Variants in CDK14 observed in about 807,000 individuals in gnomAD.
The protein encoded by CDK14 is cyclin-dependent kinase 14.
CDK14 carries 34 observed loss-of-function variants against 60.7 expected under a neutral mutation model. That is an observed-to-expected ratio of 0.56 (90% CI 0.43 to 0.75). The LOEUF is 0.75. Among genes scored for constraint, CDK14 ranks in the 30% least tolerant of loss-of-function variants. The probability of loss-of-function intolerance (pLI) is 0.00; values close to 1 mark genes in which losing one functional copy is unlikely to be tolerated. For synonymous variants in CDK14, 197 were observed against 203.7 expected, an observed-to-expected ratio of 0.97 and a Z score of 0.28; for missense variants, 482 against 564.1, an observed-to-expected ratio of 0.85 and a Z score of 1.47.
intron 10 of CDK14, among the ~76,000 whole-genome samples, chr7:90,989,299 G>A (rs1288764709): frequency 6.6e-6 from 1 of 152,112 alleles, no homozygotes; most frequent in Middle Eastern, 3.2e-3. Context: ...CCATTCAAGT[G>A]GATGTATTAT....
intron 2 of CDK14, among the ~76,000 whole-genome samples, chr7:90,717,690 G>A (rs62469739): frequency 0.22 from 33,716 of 152,078 alleles, 4,259 homozygotes; most frequent in Middle Eastern, 0.3. Context: ...AAGGTACCTT[G>A]TTTTTAATGT....
At chr7:90,931,542 C>G (rs1793591150) in intron 8 of CDK14, among the ~76,000 whole-genome samples, 1 of 152,210 alleles carries the variant, frequency 6.6e-6, no homozygotes, top group African/African-American at 2.4e-5. Context: ...TGCCTCCAGC[C>G]TCCTGACAGT....
chr7:91,037,626 C>G (rs185926969), intron 10 of CDK14, among the ~76,000 whole-genome samples: 79 of 152,286 alleles, frequency 5.2e-4, no homozygotes, highest in African/African-American at 1.9e-3. Context: ...CAACCTGATA[C>G]AGGATTCCAG....
rs554566015 is a variant in CDK14, at chr7:90,682,157, G to A, written c.124-44410G>A. Among the ~76,000 whole-genome samples the A allele has an allele frequency of 2.6e-5, 4 of 151,888 alleles. No individual in the cohort carries two copies. The East Asian group carries it at 7.7e-4, about 29-fold the overall frequency. On this transcript the variant is annotated intron_variant, in intron 2 of 14. Coordinates refer to ENST00000380050, the MANE Select transcript of CDK14 (RefSeq NM_001287135.2). ...TGTTATTTTCAATTACCTAGTTACA[G>A]GTCCTGAATATTAAAGTTTACCTTT...
At chr7:90,891,602 G>A (rs1303359690) in intron 6 of CDK14, among the ~76,000 whole-genome samples, 1 of 152,204 alleles carries the variant, frequency 6.6e-6, no homozygotes. Context: ...AAATGAAACA[G>A]AAGTTAAGGA....
intron 4 of CDK14, among the ~76,000 whole-genome samples, chr7:90,776,877 G>A (rs752150096): frequency 6.6e-6 from 1 of 152,062 alleles, no homozygotes; most frequent in Non-Finnish European, 1.5e-5. Context: ...TACAGAAGAC[G>A]ATAAATCTAT....
intron 14 of CDK14, among the ~76,000 whole-genome samples, chr7:91,197,439 T>A (rs981664465): frequency 6.7e-6 from 1 of 150,016 alleles, no homozygotes; most frequent in Non-Finnish European, 1.5e-5. Context: ...CCTGGAAACC[T>A]CCTCAGTTCA....
chr7:90,692,196 A>G lies in CDK14; in HGVS notation c.124-34371A>G, dbSNP rs549920005. ...CAGTATTTCTAGCTTTTCTTCTTAT[A>G]TCGTTGGTCCATCGAATGCTTCTTT... On this transcript the variant is annotated intron_variant, in intron 2 of 14. Transcript: ENST00000380050. 2.6e-5 allele frequency among the ~76,000 whole-genome samples: 4 copies of G among 152,290 alleles called. No individual in the cohort carries two copies. In the East Asian group the frequency reaches 7.7e-4, roughly 29 times the overall value.
chr7:90,967,959 C>T (rs3808270), intron 9 of CDK14, among the ~76,000 whole-genome samples: 113,692 of 152,122 alleles, frequency 0.75, 42,576 homozygotes, highest in East Asian at 0.78. Context: ...AGATGCCTAC[C>T]AGAATATTAC....
At chr7:90,831,589 G>A (rs1346750503) in intron 5 of CDK14, among the ~76,000 whole-genome samples, 1 of 152,078 alleles carries the variant, frequency 6.6e-6, no homozygotes, top group Non-Finnish European at 1.5e-5. Flanking sequence ...ACATTTAGTG[G>A]CTCCACCTGC....
At chr7:90,795,729 G>A (rs1293193518) in intron 5 of CDK14, among the ~76,000 whole-genome samples, 1 of 152,072 alleles carries the variant, frequency 6.6e-6, no homozygotes, top group Non-Finnish European at 1.5e-5. Flanking sequence ...GAGGGACAGG[G>A]ACTCTGGGCC....
chr7:90,980,053 C>T (rs1417581774), intron 9 of CDK14, among the ~76,000 whole-genome samples: 3 of 152,022 alleles, frequency 2.0e-5, no homozygotes, highest in South Asian at 2.1e-4. Context: ...TCTGCTTGTA[C>T]TGACAACAAA....
intron 2 of CDK14, among the ~76,000 whole-genome samples, chr7:90,624,806 T>C (rs1233033154): frequency 1.1e-4 from 17 of 152,166 alleles, no homozygotes. Context: ...GTGAAGGCTG[T>C]GAGGCAGTCT....
At chr7:90,835,602 G>A (rs1254351644) in intron 5 of CDK14, among the ~76,000 whole-genome samples, 1 of 152,142 alleles carries the variant, frequency 6.6e-6, no homozygotes. Context: ...CTGTCATTCT[G>A]CAATTACTTC....
At chr7:90,744,812 G>A (rs1324883610) in intron 3 of CDK14, among the ~76,000 whole-genome samples, 1 of 98,360 alleles carries the variant, frequency 1.0e-5, no homozygotes, top group East Asian at 3.0e-4. Flanking sequence ...GGCCGGGCGG[G>A]GGGCTGACGC....
chr7:91,085,609 G>A (rs1277924540), intron 12 of CDK14, among the ~76,000 whole-genome samples: 2 of 152,150 alleles, frequency 1.3e-5, no homozygotes, highest in African/African-American at 4.8e-5. Flanking sequence ...TTGCTTATCA[G>A]AAGTGGGTAC....
chr7:90,978,584 G>A (rs1795140785), intron 9 of CDK14, among the ~76,000 whole-genome samples: 1 of 151,940 alleles, frequency 6.6e-6, no homozygotes, highest in Non-Finnish European at 1.5e-5. Context: ...AAAACTTTAA[G>A]TTAGTAAAAT....
At chr7:90,809,913 A>T (rs1171016223) in intron 5 of CDK14, among the ~76,000 whole-genome samples, 3 of 152,184 alleles carry the variant, frequency 2.0e-5, no homozygotes, top group Non-Finnish European at 4.4e-5. Flanking sequence ...TCCCAAGACT[A>T]AACCAGGAAG....
intron 12 of CDK14, among the ~76,000 whole-genome samples, chr7:91,080,973 C>T (rs2116227486): frequency 6.6e-6 from 1 of 152,246 alleles, no homozygotes; most frequent in East Asian, 1.9e-4. Flanking sequence ...AAAAGCTGAG[C>T]TTGAGGTAAG....
Sources: gnomAD v4.1 joint callset for allele counts (sites outside exome capture counted in the v4.1 genomes callset) on GRCh38, gnomAD v4.1.1 for gene constraint, MANE v1.5 for transcripts, NCBI Gene and HGNC (gene_info 2026-07-23, HGNC 2026-07-21) for gene names.